KIF26B: variants seen among roughly 807,000 people sequenced by gnomAD.
The protein encoded by KIF26B is kinesin-like protein KIF26B.
Under a neutral mutation model 151.2 loss-of-function variants are expected in KIF26B, and 63 were observed. The ratio of observed to expected loss-of-function variants is 0.42; its 90% CI spans 0.34 to 0.51. The LOEUF is 0.51. KIF26B is among the 20% of genes least tolerant of loss of function. KIF26B has a pLI of 0.07. For synonymous variants in KIF26B, 1,357 were observed against 1,262.1 expected (o/e 1.08, Z -1.59); for missense variants, 2,813 against 2,913.6 (o/e 0.97, Z 0.79).
intron 4 of KIF26B, among the ~76,000 whole-genome samples, chr1:245,527,612 C>G: frequency 7.6e-6 from 1 of 132,062 alleles, no homozygotes; most frequent in African/African-American, 3.0e-5. Flanking sequence ...CGGCTCACTG[C>G]AAGCTCCACC....
intron 2 of KIF26B, among the ~76,000 whole-genome samples, chr1:245,249,841 G>A (rs1670410069): frequency 6.6e-6 from 1 of 152,070 alleles, no homozygotes; most frequent in Non-Finnish European, 1.5e-5. Flanking sequence ...GCTTTGTTTT[G>A]GAGTTTGTCC....
Position 245,164,902 on chromosome 1 carries a change from G to A in KIF26B, c.465+8219G>A, listed in dbSNP as rs527403193. 5.4e-4 allele frequency among the ~76,000 whole-genome samples: 82 copies of A among 152,102 alleles called. 1 individual carries two copies. The Middle Eastern group carries it at 0.01, about 19-fold the overall frequency. Reference sequence around the variant, plus strand: ...AGCCTGGCCAACATGGTGAAACCCCGTCTCTACTAAAAATACAAAAATTAG... The same window carrying A: ...AGCCTGGCCAACATGGTGAAACCCCATCTCTACTAAAAATACAAAAATTAG... On this transcript the variant is annotated intron_variant, in intron 2 of 14. Transcript: ENST00000407071.
rs748293108 is a variant in KIF26B, at chr1:245,607,617, A to G, written c.1558-34A>G. On this transcript the variant is annotated intron_variant, in intron 6 of 14. Transcript: ENST00000407071. ...TAGTGGTGTCTCCGCTGCGAGGTCC[A>G]TTCACGGCTCGTGTCTCCTCTTGTG... The G allele has an allele frequency of 1.8e-5, 29 of 1,571,982 alleles. No homozygotes were observed. In the Admixed American group the frequency reaches 3.5e-4, roughly 19 times the overall value.
chr1:245,571,270 C>G (rs930910984), intron 5 of KIF26B, among the ~76,000 whole-genome samples: 1 of 152,172 alleles, frequency 6.6e-6, no homozygotes, highest in Non-Finnish European at 1.5e-5. Context: ...TAGGACTGAC[C>G]GGGGCTCCCC....
At chr1:245,499,766 G>C (rs1660583469) in intron 4 of KIF26B, among the ~76,000 whole-genome samples, 1 of 152,252 alleles carries the variant, frequency 6.6e-6, no homozygotes, top group African/African-American at 2.4e-5. Flanking sequence ...GAGGGCCATA[G>C]AGCTGGACAG....
chr1:245,464,660 G>A (rs1659737025), intron 4 of KIF26B, among the ~76,000 whole-genome samples: 1 of 150,300 alleles, frequency 6.7e-6, no homozygotes, highest in Non-Finnish European at 1.5e-5. Context: ...GTGTGCGTGT[G>A]TGTGTGTGGG....
At chr1:245,472,597 C>T (rs946980877) in intron 4 of KIF26B, among the ~76,000 whole-genome samples, 1 of 152,202 alleles carries the variant, frequency 6.6e-6, no homozygotes, top group Non-Finnish European at 1.5e-5. Context: ...TAGGGATCTT[C>T]AACCGGTATG....
Position 245,704,146 on chromosome 1 carries a change from GT to G in KIF26B, c.*1541del, listed in dbSNP as rs2044810182. ...TGATAGTGCAGCCCAGAATCTAAGA[GT>G]CCCTGCAGCCTTCGCATCGAGGATG... is the stretch of plus-strand genomic sequence containing the variant. On this transcript the variant is annotated 3_prime_UTR_variant, in exon 15 of 15. Coordinates refer to ENST00000407071, the MANE Select transcript of KIF26B (RefSeq NM_018012.4). 1 of 152,272 alleles carries G rather than the reference GT, an allele frequency of 6.6e-6. No homozygotes were observed. Among genetic ancestry groups the G allele is most frequent in the African/African-American group, 2.4e-5 (1 of 41,472 alleles). 9.4% of individuals were successfully genotyped at this position (152,272 alleles called of 1,614,324 possible). A position where few individuals can be genotyped will look rare whatever the true frequency, so the allele number is the denominator to read the frequency against.
intron 3 of KIF26B, among the ~76,000 whole-genome samples, chr1:245,384,562 A>G (rs77105301): frequency 0.023 from 3,445 of 152,318 alleles, 125 homozygotes; most frequent in African/African-American, 0.078. Flanking sequence ...GCTGGATTAC[A>G]AGCATGAACC....
intron 3 of KIF26B, among the ~76,000 whole-genome samples, chr1:245,414,568 C>T (rs908256894): frequency 2.6e-5 from 4 of 152,178 alleles, no homozygotes; most frequent in African/African-American, 9.7e-5. Flanking sequence ...CCCCAGGCCT[C>T]GGCACCCAGG....
chr1:245,351,779 A>G (rs559080962), intron 2 of KIF26B, among the ~76,000 whole-genome samples: 2 of 152,366 alleles, frequency 1.3e-5, no homozygotes, highest in Admixed American at 6.5e-5. Flanking sequence ...CCCAAGATGA[A>G]GATGAGGAGC....
chr1:245,613,766 C>T (rs961771872), intron 9 of KIF26B, among the ~76,000 whole-genome samples: 1 of 152,200 alleles, frequency 6.6e-6, no homozygotes, highest in Non-Finnish European at 1.5e-5. Context: ...TCCCCCACCT[C>T]GGTGCCTCTC....
chr1:245,176,987 G>A (rs908151398), intron 2 of KIF26B, among the ~76,000 whole-genome samples: 2 of 152,080 alleles, frequency 1.3e-5, no homozygotes, highest in African/African-American at 2.4e-5. Flanking sequence ...GGAGGGTTTC[G>A]TTCTGTCGCC....
intron 9 of KIF26B, among the ~76,000 whole-genome samples, chr1:245,640,129 C>T (rs1214334540): frequency 5.3e-5 from 2 of 37,912 alleles, no homozygotes; most frequent in Non-Finnish European, 1.1e-4. Flanking sequence ...TTTGCTCTCT[C>T]TCTCTCTCTC....
chr1:245,374,136 T>TAC (rs1673215918), intron 3 of KIF26B, among the ~76,000 whole-genome samples: 1 of 84,092 alleles, frequency 1.2e-5, no homozygotes, highest in African/African-American at 4.3e-5. Context: ...TATATATATA[T>TAC]ATGGGCACAA....
At chr1:245,552,280 G>A (rs775389673) in intron 5 of KIF26B, among the ~76,000 whole-genome samples, 6 of 151,892 alleles carry the variant, frequency 4.0e-5, no homozygotes, top group East Asian at 3.9e-4. Context: ...GTCCAAAGGC[G>A]GGCAGCCGAC....
intron 2 of KIF26B, among the ~76,000 whole-genome samples, chr1:245,299,841 A>G (rs1390918911): frequency 6.6e-6 from 1 of 152,224 alleles, no homozygotes; most frequent in Non-Finnish European, 1.5e-5. Flanking sequence ...CATTTACTAA[A>G]TAAGTCTCCT....
At chr1:245,436,342 C>T (rs1378741723) in intron 4 of KIF26B, among the ~76,000 whole-genome samples, 1 of 152,076 alleles carries the variant, frequency 6.6e-6, no homozygotes, top group Non-Finnish European at 1.5e-5. Context: ...GATGAACCAC[C>T]CAGGTACCTA....
intron 9 of KIF26B, among the ~76,000 whole-genome samples, chr1:245,641,308 G>A (rs1397378389): frequency 8.1e-6 from 1 of 123,600 alleles, no homozygotes; most frequent in African/African-American, 3.4e-5. Flanking sequence ...TATGTCTTGG[G>A]GTCTTCTCAC....
Sources: allele counts gnomAD v4.1 joint callset (sites outside exome capture counted in the v4.1 genomes callset), GRCh38; gene constraint gnomAD v4.1.1; transcripts MANE v1.5; gene names NCBI Gene and HGNC (gene_info 2026-07-23, HGNC 2026-07-21).